AK9: variants seen among roughly 807,000 people sequenced by gnomAD.
The protein encoded by AK9 is adenylate kinase domain containing 1.
A neutral mutation model predicts 239.6 loss-of-function variants in AK9; 191 were observed. That is an observed-to-expected ratio of 0.80 (90% CI 0.71 to 0.90). The LOEUF (loss-of-function observed/expected upper bound fraction) is 0.90, where lower values mean the gene tolerates loss of function less well. Among genes scored for constraint, AK9 ranks in the 40% least tolerant of loss-of-function variants. The pLI is 0.00. For missense variants in AK9, 1,995 were observed against 2,214.7 expected (o/e 0.90, Z 1.99); for synonymous variants, 689 against 721.0 (o/e 0.96, Z 0.71).
chr6:109,586,516 C>CT (rs1271881491), intron 17 of AK9, among the ~76,000 whole-genome samples: 2 of 152,158 alleles, frequency 1.3e-5, no homozygotes, highest in Non-Finnish European at 1.5e-5. Flanking sequence ...TTCAGAAGGT[C>CT]TGGGGAATGG....
chr6:109,508,218 G>A (rs1196122929), intron 33 of AK9, among the ~76,000 whole-genome samples: 1 of 152,196 alleles, frequency 6.6e-6, no homozygotes, highest in East Asian at 1.9e-4. Context: ...GAGAATGTAT[G>A]AGGGTGCAAT....
At chr6:109,557,221 G>A (rs551971200) in intron 24 of AK9, among the ~76,000 whole-genome samples, 5 of 152,216 alleles carry the variant, frequency 3.3e-5, no homozygotes, top group African/African-American at 1.2e-4. Flanking sequence ...CTACTTGTTT[G>A]TTTTTCTTTC....
chr6:109,653,597 C>T lies in AK9; in HGVS notation c.759+3159G>A, dbSNP rs187623140. ...ATTTATCTTTTGAATGTATTTATGGCGTCTTCAGCAAGATAAAATATTTTT... is the reference window on the plus strand; with the variant it reads ...ATTTATCTTTTGAATGTATTTATGGTGTCTTCAGCAAGATAAAATATTTTT... On this transcript the variant is annotated intron_variant, in intron 8 of 40. Coordinates refer to ENST00000424296, the MANE Select transcript of AK9 (RefSeq NM_001145128.3). Among the ~76,000 whole-genome samples, 12 of 151,932 alleles carry T rather than the reference C, an allele frequency of 7.9e-5. No individual in the cohort carries two copies. The East Asian group carries it at 1.9e-3, about 24-fold the overall frequency.
chr6:109,672,195 C>T, intron 3 of AK9, 28 bp from the exon 4 acceptor site: 2 of 1,571,586 alleles, frequency 1.3e-6, no homozygotes, highest in Non-Finnish European at 8.7e-7. Context: ...AATATTAATA[C>T]AGACTGATAT....
chr6:109,513,845 A>G (rs772289147), intron 32 of AK9, among the ~76,000 whole-genome samples: 1 of 152,198 alleles, frequency 6.6e-6, no homozygotes, highest in Non-Finnish European at 1.5e-5. Flanking sequence ...TAATAAGGCT[A>G]TTGTTAAGGA....
At chr6:109,583,913 A>T (rs1644537685) in intron 19 of AK9, among the ~76,000 whole-genome samples, 1 of 152,272 alleles carries the variant, frequency 6.6e-6, no homozygotes, top group Non-Finnish European at 1.5e-5. Flanking sequence ...CACACACTGG[A>T]AAAAGATTAA....
At chr6:109,658,451 G>A (rs917387108) in intron 7 of AK9, among the ~76,000 whole-genome samples, 2 of 152,096 alleles carry the variant, frequency 1.3e-5, no homozygotes, top group African/African-American at 4.8e-5. Flanking sequence ...AGTGCTATAA[G>A]GAAAATAAAA....
At chr6:109,632,769 G>C in intron 12 of AK9, 154 bp downstream of exon 12, 1 of 1,357,156 alleles carries the variant, frequency 7.4e-7, no homozygotes, top group South Asian at 1.7e-5. Flanking sequence ...AAGCCCAGTG[G>C]AACAATTATT....
chr6:109,667,660 T>C (rs1801417516), intron 5 of AK9, among the ~76,000 whole-genome samples: 1 of 152,146 alleles, frequency 6.6e-6, no homozygotes, highest in African/African-American at 2.4e-5. Flanking sequence ...GTGTTTGGTT[T>C]TTTGTCCTTG....
At chr6:109,641,152 T>C (rs1404500548) in intron 10 of AK9, among the ~76,000 whole-genome samples, 1 of 147,782 alleles carries the variant, frequency 6.8e-6, no homozygotes, top group East Asian at 1.9e-4. Flanking sequence ...AATATATATA[T>C]ATATATACAT....
chr6:109,667,977 CA>C (rs1274822378), intron 5 of AK9, among the ~76,000 whole-genome samples: 2 of 152,210 alleles, frequency 1.3e-5, no homozygotes, highest in South Asian at 2.1e-4. Context: ...GGAATCGCCA[CA>C]GTCTTCCACA....
In AK9 at chr6:109,655,618, C is replaced by G. The variant is rs564157228; in HGVS notation, c.759+1138G>C. Among the ~76,000 whole-genome samples, 3 of 152,248 alleles carry G rather than the reference C, an allele frequency of 2.0e-5. No homozygotes were observed. The East Asian group carries it at 5.8e-4, about 29-fold the overall frequency. The stretch of plus-strand genomic sequence containing the variant: ...ACATTTGTTAAATATTTACTGCTTG[C>G]CAGACTTTGGGCGCTGCACTGCCCA... On this transcript the variant is annotated intron_variant, in intron 8 of 40. Transcript: ENST00000424296.
intron 17 of AK9, among the ~76,000 whole-genome samples, chr6:109,608,258 G>A: frequency 6.9e-6 from 1 of 143,890 alleles, no homozygotes; most frequent in African/African-American, 2.6e-5. Context: ...CAGCCTGGGT[G>A]ACAGAGCGAG....
intron 1 of AK9, among the ~76,000 whole-genome samples, chr6:109,676,642 G>A (rs376048393): frequency 6.6e-6 from 1 of 151,590 alleles, no homozygotes; most frequent in Non-Finnish European, 1.5e-5. Flanking sequence ...AAATTAAAAA[G>A]AAAAATGAAA....
chr6:109,513,072 C>G (rs1778919047), intron 32 of AK9, among the ~76,000 whole-genome samples: 1 of 152,090 alleles, frequency 6.6e-6, no homozygotes. Context: ...ACTATGTTAC[C>G]CAGGCTGGTC....
At chr6:109,649,043 C>G (rs893642904) in intron 8 of AK9, among the ~76,000 whole-genome samples, 10 of 152,098 alleles carry the variant, frequency 6.6e-5, no homozygotes, top group South Asian at 2.1e-4. Flanking sequence ...ATTCAACAAC[C>G]GTTCATGCTA....
At chr6:109,504,457 T>C (rs781455062) in intron 35 of AK9, among the ~76,000 whole-genome samples, 1 of 152,364 alleles carries the variant, frequency 6.6e-6, no homozygotes, top group Non-Finnish European at 1.5e-5. Flanking sequence ...GTATACCCTA[T>C]GCAATTATTT....
chr6:109,565,625 G>A (rs924420745), intron 21 of AK9, among the ~76,000 whole-genome samples: 4 of 152,170 alleles, frequency 2.6e-5, no homozygotes, highest in African/African-American at 9.7e-5. Flanking sequence ...GATATAGGTT[G>A]AAAACTGTTT....
chr6:109,659,960 G>GT (rs2128316132), intron 6 of AK9, among the ~76,000 whole-genome samples: 1 of 152,254 alleles, frequency 6.6e-6, no homozygotes, highest in South Asian at 2.1e-4. Flanking sequence ...AATCCAGGTA[G>GT]TAAAAAAGCC....
Sources: gnomAD v4.1 joint callset for allele counts (sites outside exome capture counted in the v4.1 genomes callset) on GRCh38, gnomAD v4.1.1 for gene constraint, MANE v1.5 for transcripts, NCBI Gene and HGNC (gene_info 2026-07-23, HGNC 2026-07-21) for gene names.